Variants in CRB1 observed in about 807,000 individuals in gnomAD.
CRB1 encodes the protein crumbs cell polarity complex component 1.
CRB1 carries 83 observed loss-of-function variants against 120.0 expected under a neutral mutation model. That is an observed-to-expected ratio of 0.69 (90% CI 0.58 to 0.83). The LOEUF is 0.83. Among genes scored for constraint, CRB1 ranks in the 40% least tolerant of loss-of-function variants. The probability of loss-of-function intolerance (pLI) is 0.00; values close to 1 mark genes in which losing one functional copy is unlikely to be tolerated. For missense variants in CRB1, 1,699 were observed against 1,687.6 expected (o/e 1.01, Z -0.12); for synonymous variants, 625 against 612.5 (o/e 1.02, Z -0.30).
chr1:197,316,563 C>T (rs1203053323), intron 1 of CRB1, among the ~76,000 whole-genome samples: 2 of 152,160 alleles, frequency 1.3e-5, no homozygotes, highest in East Asian at 3.9e-4. Context: ...GTTATTAATA[C>T]ACAAAGAAAG....
At chr1:197,414,666 G>A (rs1245050725) in intron 5 of CRB1, among the ~76,000 whole-genome samples, 1 of 152,108 alleles carries the variant, frequency 6.6e-6, no homozygotes, top group Non-Finnish European at 1.5e-5. Flanking sequence ...TAAGCAATTT[G>A]TATTCAACTA....
chr1:197,412,448 G>A (rs566054001), intron 5 of CRB1, among the ~76,000 whole-genome samples: 1 of 152,148 alleles, frequency 6.6e-6, no homozygotes, highest in Non-Finnish European at 1.5e-5. Context: ...TCATAGCCTA[G>A]TATCAAAGCT....
rs1477246106 is a variant in CRB1, at chr1:197,434,863, T to C, written c.3000T>C (p.Asn1000=). The C allele has an allele frequency of 6.2e-6, 10 of 1,613,864 alleles. No homozygotes were observed. Among genetic ancestry groups the C allele is most frequent in the Non-Finnish European group, 8.5e-6 (10 of 1,179,826 alleles). The stretch of plus-strand genomic sequence containing the variant: ...CAGAAAAAGAGCCTGAATTTCTTAA[T>C]ATTAGCATTCAAGATTCCAGATTAT... ...LHAEKEPEFL[N]ISIQDSRLFF... The change falls in exon 9 of 12, where the codon AAT becomes AAC. Residue 1000 remains asparagine (N), a synonymous_variant. Transcript: ENST00000367400.
upstream of CRB1, among the ~76,000 whole-genome samples, chr1:197,266,641 T>A (rs1419181076): frequency 2.6e-5 from 4 of 152,152 alleles, no homozygotes; most frequent in Non-Finnish European, 5.9e-5. Context: ...ATCCACTTAC[T>A]TTTTTATATT....
chr1:197,407,983 G>A (rs992452863), intron 5 of CRB1, among the ~76,000 whole-genome samples: 5 of 152,062 alleles, frequency 3.3e-5, no homozygotes. Flanking sequence ...TTTGATTACA[G>A]CATTTCACAC....
chr1:197,256,957 GT>G, the CRB1 span, among the ~76,000 whole-genome samples: 1 of 151,688 alleles, frequency 6.6e-6, no homozygotes, highest in Non-Finnish European at 1.5e-5. Context: ...GTGTGTGTGT[GT>G]GTGTGTGTGT....
chr1:197,275,520 C>T (rs1017346053), intron 1 of CRB1, among the ~76,000 whole-genome samples: 2 of 151,938 alleles, frequency 1.3e-5, no homozygotes, highest in African/African-American at 4.8e-5. Flanking sequence ...ACAATGTGCC[C>T]ATATTGTTCT....
At chr1:197,267,316 G>T (rs1256292150), upstream of CRB1, among the ~76,000 whole-genome samples, 2 of 152,036 alleles carry the variant, frequency 1.3e-5, no homozygotes, top group Admixed American at 1.3e-4. Context: ...ATTTTAAATG[G>T]ATAAATCCTA....
At chr1:197,207,850 C>T in the CRB1 span, among the ~76,000 whole-genome samples, 1 of 151,942 alleles carries the variant, frequency 6.6e-6, no homozygotes, top group African/African-American at 2.4e-5. Flanking sequence ...CTTAGGAACA[C>T]CAGTTATTCC....
chr1:197,417,504 A>C (rs927520072), intron 5 of CRB1, among the ~76,000 whole-genome samples: 1 of 152,312 alleles, frequency 6.6e-6, no homozygotes, highest in South Asian at 2.1e-4. Flanking sequence ...AAGAGTTGAT[A>C]AAGAAGGAAG....
the CRB1 span, among the ~76,000 whole-genome samples, chr1:197,233,544 C>T: frequency 6.6e-6 from 1 of 152,178 alleles, no homozygotes; most frequent in Non-Finnish European, 1.5e-5. Context: ...GATAGCATGA[C>T]CCAGGCTCCC....
At chr1:197,258,154 A>C in the CRB1 span, among the ~76,000 whole-genome samples, 1 of 152,228 alleles carries the variant, frequency 6.6e-6, no homozygotes, top group African/African-American at 2.4e-5. Context: ...TGTACATTTT[A>C]AAATAACTAA....
At chr1:197,411,184 A>G (rs181979782) in intron 5 of CRB1, among the ~76,000 whole-genome samples, 1 of 152,144 alleles carries the variant, frequency 6.6e-6, no homozygotes, top group Non-Finnish European at 1.5e-5. Flanking sequence ...TCCATATCTT[A>G]TCGCTGTCTC....
chr1:197,241,472 G>A, the CRB1 span, among the ~76,000 whole-genome samples: 1 of 152,090 alleles, frequency 6.6e-6, no homozygotes, highest in African/African-American at 2.4e-5. Context: ...TTTCCCCATT[G>A]CTTGTTTTTG....
intron 4 of CRB1, among the ~76,000 whole-genome samples, chr1:197,352,984 TCTA>T: frequency 6.6e-6 from 1 of 152,214 alleles, no homozygotes; most frequent in East Asian, 1.9e-4. Flanking sequence ...TGATTGAAGG[TCTA>T]CTGCTTACAT....
chr1:197,399,567 T>C (rs947420484), intron 5 of CRB1, among the ~76,000 whole-genome samples: 5 of 152,218 alleles, frequency 3.3e-5, no homozygotes, highest in Non-Finnish European at 5.9e-5. Flanking sequence ...TGTCATGTAT[T>C]AGTAAACTAC....
intron 11 of CRB1, among the ~76,000 whole-genome samples, chr1:197,458,171 G>A (rs764585380): frequency 7.2e-5 from 11 of 151,948 alleles, no homozygotes; most frequent in Non-Finnish European, 1.6e-4. Flanking sequence ...TTTTGAAGGG[G>A]CCCTAAGCAA....
intron 11 of CRB1, among the ~76,000 whole-genome samples, chr1:197,448,016 A>T (rs900602438): frequency 1.6e-4 from 24 of 152,182 alleles, no homozygotes; most frequent in Non-Finnish European, 2.1e-4. Flanking sequence ...AAATTACTTT[A>T]AAAAATTCTG....
intron 5 of CRB1, among the ~76,000 whole-genome samples, chr1:197,413,585 A>G (rs1362731260): frequency 6.6e-6 from 1 of 152,238 alleles, no homozygotes; most frequent in Non-Finnish European, 1.5e-5. Flanking sequence ...GTTGTCCAAA[A>G]TACTTATCTG....
Sources: gnomAD v4.1 joint callset for allele counts (sites outside exome capture counted in the v4.1 genomes callset) on GRCh38, gnomAD v4.1.1 for gene constraint, MANE v1.5 for transcripts, NCBI Gene and HGNC (gene_info 2026-07-23, HGNC 2026-07-21) for gene names.